Variants in BNC2 observed in about 807,000 individuals in gnomAD.
BNC2 encodes the protein basonuclin zinc finger protein 2, also known as zinc finger protein basonuclin-2.
A neutral mutation model predicts 76.3 loss-of-function variants in BNC2; 20 were observed. That is an observed-to-expected ratio of 0.26 (90% CI 0.18 to 0.38). The LOEUF (loss-of-function observed/expected upper bound fraction) is 0.38, where lower values mean the gene tolerates loss of function less well. BNC2 is among the 10% of genes least tolerant of loss of function. The pLI, the probability that BNC2 is intolerant of heterozygous loss-of-function variation, is 1.00. For synonymous variants in BNC2, 582 were observed against 514.8 expected (o/e 1.13, Z -1.77); for missense variants, 1,382 against 1,399.8 (o/e 0.99, Z 0.20).
At chr9:16,492,394 C>G (rs1336823998) in intron 5 of BNC2, among the ~76,000 whole-genome samples, 1 of 152,182 alleles carries the variant, frequency 6.6e-6, no homozygotes, top group Non-Finnish European at 1.5e-5. Flanking sequence ...TCAAAATGCA[C>G]ATTTCTATAT....
chr9:16,738,481 T>C lies in BNC2; in HGVS notation c.8A>G (p.His3Arg), dbSNP rs745890218. 1 of 1,614,022 alleles carries C rather than the reference T, an allele frequency of 6.2e-7. No individual in the cohort carries two copies. The highest frequency in any genetic ancestry group is 8.5e-7 in the Non-Finnish European group (1 of 1,179,934). The change falls in exon 2 of 7, where the codon CAC (histidine) becomes CGC (arginine). Residue 3 changes from histidine (H) to arginine (R), a missense_variant. This residue lies in a region of BNC2 where 557 missense variants were observed against 540.9 expected (regional missense o/e 1.03). Coordinates refer to ENST00000380672, the MANE Select transcript of BNC2 (RefSeq NM_017637.6). MA[H>R]LGPTPPPHSL... ...ATGTGGAGGTGGGGTGGGCCCAAGG[T>C]GTGCCTATTGAGAGATTGGGAAAGG...
intron 3 of BNC2, among the ~76,000 whole-genome samples, chr9:16,658,164 A>G (rs1821986006): frequency 6.6e-6 from 1 of 152,208 alleles, no homozygotes; most frequent in Non-Finnish European, 1.5e-5. Flanking sequence ...GAAATTCTCC[A>G]AATCAGTAAT....
At chr9:16,469,203 C>T (rs898487644) in intron 5 of BNC2, among the ~76,000 whole-genome samples, 1 of 41,036 alleles carries the variant, frequency 2.4e-5, no homozygotes, top group Non-Finnish European at 4.3e-5. Flanking sequence ...AGTGAACATG[C>T]TCTCAAACAG....
chr9:16,793,994 G>A (rs544150285), intron 1 of BNC2, among the ~76,000 whole-genome samples: 9 of 151,226 alleles, frequency 6.0e-5, no homozygotes, highest in Non-Finnish European at 1.2e-4. Flanking sequence ...GAGCCACCGC[G>A]CCGGGCCTTG....
intron 4 of BNC2, among the ~76,000 whole-genome samples, chr9:16,573,419 C>G (rs1334509703): frequency 2.0e-5 from 3 of 152,100 alleles, no homozygotes; most frequent in Non-Finnish European, 4.4e-5. Flanking sequence ...AAGATGACAG[C>G]TCCAAAATTT....
rs1820473776 is a variant in BNC2 at position 16,412,115 on chromosome 9, T to C, written c.*6874A>G. The stretch of plus-strand genomic sequence containing the variant: ...TCGATTTTCTAAAGCTCCCTGTACT[T>C]GTACTTACCAAAGTTCTTCAAAGTG... On this transcript the variant is annotated 3_prime_UTR_variant, in exon 7 of 7. Transcript: ENST00000380672. The C allele has an allele frequency of 6.6e-6, 1 of 152,652 alleles. No homozygotes were observed. Among genetic ancestry groups the C allele is most frequent in the Non-Finnish European group, 1.5e-5 (1 of 68,044 alleles). 9.5% of individuals were successfully genotyped at this position (152,652 alleles called of 1,614,324 possible).
chr9:16,605,371 C>T (rs1376358032), intron 3 of BNC2, among the ~76,000 whole-genome samples: 1 of 152,240 alleles, frequency 6.6e-6, no homozygotes, highest in African/African-American at 2.4e-5. Context: ...ACTTTTCCCT[C>T]TTAGGAGGGT....
At chr9:16,518,266 AAACAT>A (rs1165267750) in intron 5 of BNC2, among the ~76,000 whole-genome samples, 27 of 152,204 alleles carry the variant, frequency 1.8e-4, no homozygotes, top group African/African-American at 6.5e-4. Flanking sequence ...TGTCTCTATT[AAACAT>A]AAAAAATACA....
chr9:16,520,203 A>G (rs980241696), intron 5 of BNC2, among the ~76,000 whole-genome samples: 4 of 152,142 alleles, frequency 2.6e-5, no homozygotes, highest in Admixed American at 1.3e-4. Flanking sequence ...TAAAACAATC[A>G]TCTCACACTG....
intron 5 of BNC2, among the ~76,000 whole-genome samples, chr9:16,547,730 C>T (rs1259192621): frequency 6.6e-6 from 1 of 152,144 alleles, no homozygotes; most frequent in African/African-American, 2.4e-5. Context: ...AGAAACCTTA[C>T]ATGCAAATAG....
intron 1 of BNC2, among the ~76,000 whole-genome samples, chr9:16,803,097 A>G (rs934357604): frequency 6.6e-6 from 1 of 152,166 alleles, no homozygotes; most frequent in Non-Finnish European, 1.5e-5. Flanking sequence ...GTTTTCCTAT[A>G]TTCCTAAACA....
intron 3 of BNC2, among the ~76,000 whole-genome samples, chr9:16,711,366 G>T (rs375447919): frequency 2.0e-5 from 3 of 152,084 alleles, no homozygotes; most frequent in Non-Finnish European, 4.4e-5. Context: ...TCCATTCCTC[G>T]CTAGTTGCAG....
chr9:16,728,102 G>C, intron 2 of BNC2, 105 bp from the exon 3 acceptor site: 3 of 576,302 alleles, frequency 5.2e-6, no homozygotes, highest in Non-Finnish European at 3.2e-6. Context: ...GGAAGGGGGA[G>C]ATTTGGGGGA....
intron 3 of BNC2, among the ~76,000 whole-genome samples, chr9:16,599,667 C>G (rs1188912075): frequency 6.6e-6 from 1 of 152,092 alleles, no homozygotes; most frequent in Admixed American, 6.6e-5. Flanking sequence ...GCCTATAATC[C>G]CAGCTACTCG....
chr9:16,618,198 A>G (rs1421232030), intron 3 of BNC2, among the ~76,000 whole-genome samples: 1 of 152,174 alleles, frequency 6.6e-6, no homozygotes, highest in Non-Finnish European at 1.5e-5. Flanking sequence ...TGGCTCTGTG[A>G]CTTAAACCAG....
chr9:16,437,280 T>A lies in BNC2; in HGVS notation c.914A>T (p.Asn305Ile). 6.2e-7 allele frequency: 1 copy of A among 1,614,134 alleles called. No homozygotes were observed. Among genetic ancestry groups the A allele is most frequent in the Non-Finnish European group, 8.5e-7 (1 of 1,180,014 alleles). Reference sequence around the variant, plus strand: ...TTCGAAGTGATGAATGCTGGAAGGATTGCTGTTCTCTAAGTGAGCAAGGAG... The same window carrying A: ...TTCGAAGTGATGAATGCTGGAAGGAATGCTGTTCTCTAAGTGAGCAAGGAG... Reference protein sequence around the residue: ...PSLLAHLENSNPSSIHHFENI... With the variant: ...PSLLAHLENSIPSSIHHFENI... The change falls in exon 6 of 7, where the codon AAT (asparagine) becomes ATT (isoleucine). Residue 305 changes from asparagine to isoleucine, a missense_variant. By Grantham distance (149) the Asn-to-Ile change is moderately radical (BLOSUM62 -3). Transcript: ENST00000380672.
chr9:16,587,475 CCTGT>C (rs1026822628), intron 3 of BNC2, among the ~76,000 whole-genome samples: 23 of 152,142 alleles, frequency 1.5e-4, no homozygotes, highest in African/African-American at 5.3e-4. Context: ...CCCTTCCTTT[CCTGT>C]CTTTTATTCT....
intron 1 of BNC2, among the ~76,000 whole-genome samples, chr9:16,815,942 T>G (rs1260492727): frequency 6.6e-6 from 1 of 152,160 alleles, no homozygotes; most frequent in Admixed American, 6.5e-5. Flanking sequence ...CTACCAGCCA[T>G]GCCTAAAATA....
rs560243953 is a variant in BNC2 at position 16,842,512 on chromosome 9, T to C, written c.3+28134A>G. On this transcript the variant is annotated intron_variant, in intron 1 of 6. Coordinates refer to ENST00000380672, the MANE Select transcript of BNC2 (RefSeq NM_017637.6). The stretch of plus-strand genomic sequence containing the variant: ...AGAATGGAGGATTTACTGTTGAGGA[T>C]AGAGTTTCTCTGTGGAGTGACGAAA... 1.8e-3 allele frequency among the ~76,000 whole-genome samples: 267 copies of C among 152,256 alleles called. 1 individual carries two copies. Among genetic ancestry groups the C allele is most frequent in the South Asian group, 9.3e-3 (45 of 4,820 alleles).
Sources: gnomAD v4.1 joint callset for allele counts (sites outside exome capture counted in the v4.1 genomes callset) on GRCh38, gnomAD v4.1.1 for gene constraint, gnomAD v4.1.1 regional missense constraint, MANE v1.5 for transcripts, NCBI Gene and HGNC (gene_info 2026-07-23, HGNC 2026-07-21) for gene names.